The following CSMD1 variants were observed in gnomAD, a reference collection of about 807,000 sequenced individuals.
CSMD1 encodes the protein CUB and Sushi multiple domains 1.
In CSMD1, 213 loss-of-function variants were observed where a neutral mutation model predicts 417.5. The observed-to-expected ratio is 0.51, with a 90% CI of 0.46 to 0.57. The LOEUF (loss-of-function observed/expected upper bound fraction) is 0.57, where lower values mean the gene tolerates loss of function less well. Ranked by LOEUF, CSMD1 falls within the 20% of genes least tolerant of loss-of-function variation. The pLI, the probability that CSMD1 is intolerant of heterozygous loss-of-function variation, is 0.00. For synonymous variants in CSMD1, 2,862 were observed against 1,736.8 expected, an observed-to-expected ratio of 1.65 and a Z score of -16.11; for missense variants, 6,923 against 4,529.7, an observed-to-expected ratio of 1.53 and a Z score of -15.17.
At chr8:4,668,002 T>C (rs1232118176) in intron 1 of CSMD1, among the ~76,000 whole-genome samples, 2 of 152,214 alleles carry the variant, frequency 1.3e-5, no homozygotes, top group Non-Finnish European at 2.9e-5. Context: ...TTCGACTCCA[T>C]TTTTTAAGCT....
intron 1 of CSMD1, among the ~76,000 whole-genome samples, chr8:4,756,454 G>C (rs544180781): frequency 3.3e-5 from 5 of 152,092 alleles, no homozygotes; most frequent in African/African-American, 1.2e-4. Flanking sequence ...AACGCTAAAA[G>C]TTAATTTGGG....
At chr8:4,327,941 T>G (rs1481198074) in intron 3 of CSMD1, among the ~76,000 whole-genome samples, 5 of 152,186 alleles carry the variant, frequency 3.3e-5, no homozygotes, top group African/African-American at 1.2e-4. Flanking sequence ...TGGCACATTT[T>G]CCACTGTGAT....
chr8:3,279,952 C>T (rs897695228), intron 26 of CSMD1, among the ~76,000 whole-genome samples: 6 of 152,148 alleles, frequency 3.9e-5, no homozygotes, highest in Non-Finnish European at 2.9e-5. Flanking sequence ...TGGGTGGGGA[C>T]GTAGAACCTA....
intron 1 of CSMD1, among the ~76,000 whole-genome samples, chr8:4,768,929 C>T (rs966516122): frequency 6.6e-6 from 1 of 152,144 alleles, no homozygotes; most frequent in Non-Finnish European, 1.5e-5. Flanking sequence ...TTATTGATTC[C>T]TCACCATTTA....
At chr8:3,724,067 G>C (rs1449804216) in intron 6 of CSMD1, among the ~76,000 whole-genome samples, 3 of 54,386 alleles carry the variant, frequency 5.5e-5, no homozygotes, top group Non-Finnish European at 1.8e-4. Context: ...TTTGTTCATT[G>C]ACTTCAACCA....
intron 2 of CSMD1, among the ~76,000 whole-genome samples, chr8:4,593,002 C>G (rs898814135): frequency 2.0e-5 from 3 of 152,144 alleles, no homozygotes; most frequent in African/African-American, 7.2e-5. Context: ...ATTCATAAAA[C>G]TATTTAGAAA....
chr8:4,019,489 G>T (rs773881205), intron 4 of CSMD1, among the ~76,000 whole-genome samples: 2 of 151,990 alleles, frequency 1.3e-5, no homozygotes, highest in Non-Finnish European at 1.5e-5. Flanking sequence ...GTTTTACTGG[G>T]GCCCATTGCA....
intron 54 of CSMD1, among the ~76,000 whole-genome samples, chr8:2,995,579 C>T (rs1366450206): frequency 6.6e-6 from 1 of 152,074 alleles, no homozygotes; most frequent in Non-Finnish European, 1.5e-5. Context: ...AACTTATAAC[C>T]ACACAAAATC....
At chr8:4,787,414 G>C in intron 1 of CSMD1, 1 of 750,138 alleles carries the variant, frequency 1.3e-6, no homozygotes, top group African/African-American at 1.7e-5. Context: ...TCCTCCTGCA[G>C]TCCAAGGACA....
At chr8:4,908,106 CT>C (rs1805421327) in intron 1 of CSMD1, among the ~76,000 whole-genome samples, 1 of 152,148 alleles carries the variant, frequency 6.6e-6, no homozygotes, top group Admixed American at 6.5e-5. Context: ...ATGTCCTTCA[CT>C]TTTGCAGTAT....
chr8:4,578,998 A>G, intron 2 of CSMD1, among the ~76,000 whole-genome samples: 1 of 152,004 alleles, frequency 6.6e-6, no homozygotes, highest in East Asian at 1.9e-4. Context: ...AATTAAATTG[A>G]AAATTGTACA....
intron 3 of CSMD1, among the ~76,000 whole-genome samples, chr8:4,038,804 C>G (rs577027737): frequency 2.0e-5 from 3 of 152,322 alleles, no homozygotes; most frequent in East Asian, 3.9e-4. Context: ...GTTGTTTTCT[C>G]TCATGGCAGG....
At chr8:4,312,184 A>G (rs9785155) in intron 3 of CSMD1, among the ~76,000 whole-genome samples, 120,260 of 151,562 alleles carry the variant, frequency 0.79, 48,123 homozygotes, top group African/African-American at 0.89. Flanking sequence ...AGAAGACACA[A>G]TGAACATACA....
intron 3 of CSMD1, among the ~76,000 whole-genome samples, chr8:4,113,511 T>G (rs1351339595): frequency 6.7e-6 from 1 of 149,092 alleles, no homozygotes; most frequent in Non-Finnish European, 1.5e-5. Flanking sequence ...TTCAAGCAAT[T>G]CTCCTGCCTC....
intron 4 of CSMD1, among the ~76,000 whole-genome samples, chr8:4,017,540 A>G (rs905701951): frequency 6.6e-6 from 1 of 152,172 alleles, no homozygotes; most frequent in African/African-American, 2.4e-5. Flanking sequence ...TCCCGATCTC[A>G]GATGATCCAC....
chr8:3,175,688 T>A lies in CSMD1; in HGVS notation c.5725+5422A>T, dbSNP rs374527924. On this transcript the variant is annotated intron_variant, in intron 37 of 69. Transcript: ENST00000635120. ...AGGCTTCTGTATCTACGAGCAGAGC[T>A]TCAGACGTGGGAACATGGCTTCCAC... 5.1e-5 allele frequency among the ~76,000 whole-genome samples: 5 copies of A among 97,980 alleles called. No homozygotes were observed. In the East Asian group the frequency reaches 1.3e-3, roughly 25 times the overall value. 64.3% of individuals were successfully genotyped at this position (97,980 alleles called of 152,430 possible).
chr8:3,471,360 A>G (rs1016739104), intron 11 of CSMD1, among the ~76,000 whole-genome samples: 1 of 152,180 alleles, frequency 6.6e-6, no homozygotes, highest in African/African-American at 2.4e-5. Flanking sequence ...AGTCCTTGTC[A>G]GAAATTAGCA....
At chr8:4,769,847 C>T (rs1376584646) in intron 1 of CSMD1, among the ~76,000 whole-genome samples, 4 of 152,092 alleles carry the variant, frequency 2.6e-5, no homozygotes, top group African/African-American at 9.7e-5. Flanking sequence ...ATTATGTTCT[C>T]TTAAAGAATA....
chr8:4,027,454 T>G (rs1469136847), intron 4 of CSMD1, among the ~76,000 whole-genome samples: 1 of 152,066 alleles, frequency 6.6e-6, no homozygotes, highest in African/African-American at 2.4e-5. Flanking sequence ...TCCATGCTGT[T>G]CTTGTGACAG....
Sources: allele counts gnomAD v4.1 joint callset (sites outside exome capture counted in the v4.1 genomes callset), GRCh38; gene constraint gnomAD v4.1.1; transcripts MANE v1.5; gene names NCBI Gene and HGNC (gene_info 2026-07-23, HGNC 2026-07-21).